RAP1GAP2: variants seen among roughly 807,000 people sequenced by gnomAD.
RAP1GAP2 encodes the protein rap1 GTPase-activating protein 2.
Under a neutral mutation model 95.0 loss-of-function variants are expected in RAP1GAP2, and 27 were observed. The observed-to-expected ratio is 0.28, with a 90% CI of 0.21 to 0.39. The LOEUF (loss-of-function observed/expected upper bound fraction) is 0.39. RAP1GAP2 is among the 10% of genes least tolerant of loss of function. RAP1GAP2 has a pLI of 1.00. For synonymous variants in RAP1GAP2, 373 were observed against 380.9 expected (o/e 0.98, Z 0.24); for missense variants, 771 against 970.0 (o/e 0.79, Z 2.72).
chr17:2,857,582 T>C lies in RAP1GAP2; in HGVS notation c.81-47702T>C, dbSNP rs2072196646. ...CCCATCTTTCAGGGTTTCTGGCACA[T>C]GGGATCCTGTAAAAGCAGTGGCGTG... On this transcript the variant is annotated intron_variant, in intron 2 of 24. Coordinates refer to ENST00000254695, the MANE Select transcript of RAP1GAP2 (RefSeq NM_015085.5). This position sits in a 1 kb window ranked among gnomAD's most constrained non-coding sequence, Gnocchi z 4.0. Among the ~76,000 whole-genome samples the C allele has an allele frequency of 6.6e-6, 1 of 152,182 alleles. No homozygotes were observed. Among genetic ancestry groups the C allele is most frequent in the Admixed American group, 6.5e-5 (1 of 15,284 alleles).
intron 2 of RAP1GAP2, among the ~76,000 whole-genome samples, chr17:2,808,099 TC>T (rs2069598789): frequency 6.6e-6 from 1 of 152,102 alleles, no homozygotes; most frequent in South Asian, 2.1e-4. Context: ...TGAGCTTTTT[TC>T]CTTTCGCCCA....
chr17:2,973,810 TG>T (rs2044976978), intron 8 of RAP1GAP2, among the ~76,000 whole-genome samples: 1 of 152,156 alleles, frequency 6.6e-6, no homozygotes, highest in South Asian at 2.1e-4. Context: ...GTTTCAGAAT[TG>T]AAGAAACCAC....
intron 1 of RAP1GAP2, among the ~76,000 whole-genome samples, chr17:2,786,437 C>T (rs2068776874): frequency 6.6e-6 from 1 of 152,192 alleles, no homozygotes; most frequent in Non-Finnish European, 1.5e-5. Context: ...CTCCTCGCAC[C>T]ACCCAAGCTT....
chr17:2,761,043 C>T (rs538396345), intron 1 of RAP1GAP2, among the ~76,000 whole-genome samples: 1 of 151,880 alleles, frequency 6.6e-6, no homozygotes, highest in Non-Finnish European at 1.5e-5. Context: ...CAACCTCCGC[C>T]TCCGGGGTTC....
rs374346245 is a variant in RAP1GAP2, at chr17:3,030,981, C to A, written c.2167C>A (p.His723Asn). 6.2e-7 allele frequency: 1 copy of A among 1,608,802 alleles called. No homozygotes were observed. The highest frequency in any genetic ancestry group is 1.3e-5 in the African/African-American group (1 of 74,816). The change falls in exon 23 of 25, where the codon CAT becomes AAT. Residue 723 changes from histidine to asparagine, a missense_variant. Transcript: ENST00000254695. ...GAAATTCCGCTTTGACAAGCTCAGC[C>A]ATGCCAGCTCTGGTGCGGTAAGGAT... ...NLKFRFDKLSHASSGAGH is the reference protein window; with the variant it reads ...NLKFRFDKLSNASSGAGH
chr17:2,785,899 CTTTTTTT>C (rs386385450), intron 1 of RAP1GAP2, among the ~76,000 whole-genome samples: 8 of 119,928 alleles, frequency 6.7e-5, no homozygotes, highest in African/African-American at 2.3e-4. Flanking sequence ...AAAAGTATGA[CTTTTTTT>C]TTTTTTTTTT....
chr17:2,963,435 C>G lies in RAP1GAP2; in HGVS notation c.252C>G (p.Asp84Glu). 1 of 1,613,858 alleles carries G rather than the reference C, an allele frequency of 6.2e-7. No homozygotes were observed. The highest frequency in any genetic ancestry group is 1.1e-5 in the South Asian group (1 of 91,082). ...QKPGPQKNKDDYIPYPSIDEV... is the reference protein window; with the variant it reads ...QKPGPQKNKDEYIPYPSIDEV... Reference sequence around the variant, plus strand: ...TCATCTGGTTTGTCTTGCAGGACGACTATATCCCATACCCCAGCATCGACG... The same window carrying G: ...TCATCTGGTTTGTCTTGCAGGACGAGTATATCCCATACCCCAGCATCGACG... Residue 84 changes from aspartate to glutamate, a missense_variant, in exon 6 of 25, where the codon GAC becomes GAG. Physicochemically the swap from Asp to Glu is conservative, Grantham distance 45. Coordinates refer to ENST00000254695, the MANE Select transcript of RAP1GAP2 (RefSeq NM_015085.5). The surrounding 1 kb of genome is among the most constrained non-coding windows in gnomAD (Gnocchi z 4.8).
At chr17:2,872,049 A>C (rs978499741) in intron 2 of RAP1GAP2, among the ~76,000 whole-genome samples, 1 of 151,914 alleles carries the variant, frequency 6.6e-6, no homozygotes, top group Non-Finnish European at 1.5e-5. Flanking sequence ...CATGGTCTCT[A>C]CTAAAAATAC....
chr17:2,979,386 A>C (rs2045257454), intron 8 of RAP1GAP2, among the ~76,000 whole-genome samples: 1 of 152,160 alleles, frequency 6.6e-6, no homozygotes, highest in South Asian at 2.1e-4. Flanking sequence ...ACCTCCAAAC[A>C]AACCAAAAAA....
At chr17:2,879,481 A>G (rs1288235113) in intron 2 of RAP1GAP2, among the ~76,000 whole-genome samples, 1 of 150,738 alleles carries the variant, frequency 6.6e-6, no homozygotes, top group Non-Finnish European at 1.5e-5. Flanking sequence ...TCATCGCAGC[A>G]CTTTGAGAGG....
chr17:2,908,932 T>C (rs1275259519), intron 3 of RAP1GAP2, among the ~76,000 whole-genome samples: 2 of 151,982 alleles, frequency 1.3e-5, no homozygotes, highest in African/African-American at 4.8e-5. Context: ...TCTGAGACTC[T>C]TGGGTTCAAG....
At chr17:2,812,333 T>G (rs1200501722) in intron 2 of RAP1GAP2, among the ~76,000 whole-genome samples, 1 of 152,132 alleles carries the variant, frequency 6.6e-6, no homozygotes, top group Non-Finnish European at 1.5e-5. Context: ...AGCCTCTGAG[T>G]CATGGGGGGG....
At chr17:2,778,759 C>T (rs189271339) in intron 1 of RAP1GAP2, among the ~76,000 whole-genome samples, 2 of 152,288 alleles carry the variant, frequency 1.3e-5, no homozygotes, top group African/African-American at 2.4e-5. Context: ...GGCTTGCAGG[C>T]TGTGGCTTAT....
intron 2 of RAP1GAP2, among the ~76,000 whole-genome samples, chr17:2,862,857 C>T (rs2072458450): frequency 6.6e-6 from 1 of 151,872 alleles, no homozygotes. Flanking sequence ...ATTAGCTGGG[C>T]GTGGTGGCGT....
chr17:2,798,390 G>T (rs1264028718), intron 1 of RAP1GAP2, among the ~76,000 whole-genome samples: 1 of 152,182 alleles, frequency 6.6e-6, no homozygotes, highest in Non-Finnish European at 1.5e-5. Context: ...CACAGCAGGT[G>T]TCTGCTTGGG....
intron 4 of RAP1GAP2, among the ~76,000 whole-genome samples, chr17:2,958,994 G>A (rs900689472): frequency 2.0e-5 from 3 of 152,096 alleles, no homozygotes; most frequent in Non-Finnish European, 2.9e-5. Context: ...ATCAGCTTGC[G>A]GAAACCAGGC....
At chr17:2,878,276 C>T (rs1455549146) in intron 2 of RAP1GAP2, among the ~76,000 whole-genome samples, 1 of 152,008 alleles carries the variant, frequency 6.6e-6, no homozygotes, top group South Asian at 2.1e-4. Flanking sequence ...TTGGGGGAAA[C>T]GATGAGGTCA....
intron 2 of RAP1GAP2, among the ~76,000 whole-genome samples, chr17:2,832,365 T>G (rs577124684): frequency 6.6e-6 from 1 of 150,858 alleles, no homozygotes; most frequent in Non-Finnish European, 1.5e-5. Context: ...GAGATCATCC[T>G]GGCTAAAACG....
chr17:3,019,363 A>C (rs1010088136), intron 18 of RAP1GAP2, among the ~76,000 whole-genome samples: 3 of 152,072 alleles, frequency 2.0e-5, no homozygotes, highest in Non-Finnish European at 4.4e-5. Context: ...AAATGCAAAA[A>C]TTAGCTGAGC....
Sources: gnomAD v4.1 joint callset for allele counts (sites outside exome capture counted in the v4.1 genomes callset) on GRCh38, gnomAD v4.1.1 for gene constraint, Gnocchi (gnomAD v3.1) non-coding constraint, MANE v1.5 for transcripts, NCBI Gene and HGNC (gene_info 2026-07-23, HGNC 2026-07-21) for gene names.